The following MARCHF1 variants were observed in gnomAD, a reference collection of about 807,000 sequenced individuals.
The protein encoded by MARCHF1 is E3 ubiquitin-protein ligase MARCHF1.
A neutral mutation model predicts 54.2 loss-of-function variants in MARCHF1; 40 were observed. The ratio of observed to expected loss-of-function variants is 0.74; its 90% CI spans 0.57 to 0.96. The LOEUF is 0.96. Among genes scored for constraint, MARCHF1 ranks in the 40% least tolerant of loss-of-function variants. The pLI, the probability that MARCHF1 is intolerant of heterozygous loss-of-function variation, is 0.00. For missense variants in MARCHF1, 586 were observed against 656.5 expected, an observed-to-expected ratio of 0.89 and a Z score of 1.17; for synonymous variants, 236 against 236.3, an observed-to-expected ratio of 1.00 and a Z score of 0.01.
intron 3 of MARCHF1, among the ~76,000 whole-genome samples, chr4:163,948,269 T>C (rs1752063499): frequency 6.6e-6 from 1 of 152,236 alleles, no homozygotes; most frequent in African/African-American, 2.4e-5. Context: ...TAGACTTTTT[T>C]CATATTAAGA....
chr4:163,923,312 T>C (rs1342691473), intron 3 of MARCHF1, among the ~76,000 whole-genome samples: 2 of 152,154 alleles, frequency 1.3e-5, no homozygotes, highest in Non-Finnish European at 2.9e-5. Flanking sequence ...TCATTAAAAA[T>C]AATTCTGAAG....
At chr4:163,670,365 T>C (rs966208149) in intron 5 of MARCHF1, among the ~76,000 whole-genome samples, 5 of 129,022 alleles carry the variant, frequency 3.9e-5, no homozygotes, top group African/African-American at 1.5e-4. Flanking sequence ...GTAGGATCTA[T>C]CTATCTATCT....
chr4:163,873,765 T>C, intron 3 of MARCHF1, among the ~76,000 whole-genome samples: 1 of 152,234 alleles, frequency 6.6e-6, no homozygotes, highest in South Asian at 2.1e-4. Context: ...CAGCTCTATA[T>C]GTTCTCCCTG....
At chr4:163,660,518 T>C (rs1743310161) in intron 5 of MARCHF1, among the ~76,000 whole-genome samples, 1 of 151,542 alleles carries the variant, frequency 6.6e-6, no homozygotes, top group Non-Finnish European at 1.5e-5. Context: ...TATGTATACC[T>C]ATGTAACAAA....
At chr4:164,056,255 G>A (rs1490220922) in intron 2 of MARCHF1, among the ~76,000 whole-genome samples, 1 of 152,174 alleles carries the variant, frequency 6.6e-6, no homozygotes, top group African/African-American at 2.4e-5. Context: ...GTCGCTATGA[G>A]AACAGAAAGT....
At chr4:163,561,581 G>A (rs930436137) in intron 8 of MARCHF1, among the ~76,000 whole-genome samples, 2 of 152,022 alleles carry the variant, frequency 1.3e-5, no homozygotes, top group African/African-American at 4.8e-5. Context: ...CTATTAGCAC[G>A]TTTTGAATGC....
chr4:163,915,881 G>A (rs1280845323), intron 3 of MARCHF1, among the ~76,000 whole-genome samples: 2 of 152,128 alleles, frequency 1.3e-5, no homozygotes, highest in South Asian at 2.1e-4. Context: ...GTATGTAAGA[G>A]CTTTCCTTGA....
At position 164,310,420 on chromosome 4, in the gene MARCHF1, T is replaced by G. The variant is rs566609251; in HGVS notation, c.-323+73450A>C. Among the ~76,000 whole-genome samples, 15 of 152,224 alleles carry G rather than the reference T, an allele frequency of 9.9e-5. No homozygotes were observed. In the South Asian group the frequency reaches 3.1e-3, roughly 32 times the overall value. On this transcript the variant is annotated intron_variant, in intron 1 of 9. Coordinates refer to ENST00000514618, the MANE Select transcript of MARCHF1 (RefSeq NM_001394959.1). ...AGGCATTCAGTGTGAAATAATCACA[T>G]TTTTATTCAAAGAAACAAACACATA...
At chr4:164,369,875 T>C (rs1730986799) in intron 1 of MARCHF1, among the ~76,000 whole-genome samples, 1 of 152,198 alleles carries the variant, frequency 6.6e-6, no homozygotes, top group Non-Finnish European at 1.5e-5. Flanking sequence ...AATAGTTTAG[T>C]AAGGTTGCTG....
intron 2 of MARCHF1, among the ~76,000 whole-genome samples, chr4:164,099,375 G>A (rs1381159256): frequency 6.6e-6 from 1 of 152,142 alleles, no homozygotes; most frequent in African/African-American, 2.4e-5. Context: ...TACTATGTCT[G>A]TCTATATACT....
intron 1 of MARCHF1, among the ~76,000 whole-genome samples, chr4:164,138,032 T>G (rs1756437395): frequency 1.3e-5 from 2 of 152,152 alleles, no homozygotes; most frequent in South Asian, 4.1e-4. Flanking sequence ...CTCACTGTAG[T>G]AATGACAAAG....
At chr4:164,007,338 T>C in intron 2 of MARCHF1, among the ~76,000 whole-genome samples, 1 of 91,890 alleles carries the variant, frequency 1.1e-5, no homozygotes, top group African/African-American at 4.7e-5. Context: ...AGAGCGAGAC[T>C]CCATCTCAAA....
chr4:164,067,318 C>T (rs891063459), intron 2 of MARCHF1, among the ~76,000 whole-genome samples: 4 of 152,134 alleles, frequency 2.6e-5, no homozygotes, highest in African/African-American at 9.7e-5. Context: ...CATCACACTA[C>T]CTGACTTTAA....
At chr4:164,198,997 G>C (rs564131925) in intron 1 of MARCHF1, among the ~76,000 whole-genome samples, 64 of 152,234 alleles carry the variant, frequency 4.2e-4, no homozygotes, top group African/African-American at 1.5e-3. Context: ...AATAAAACAA[G>C]CAAGAGTAGC....
chr4:163,997,155 G>A (rs142619336), intron 2 of MARCHF1, among the ~76,000 whole-genome samples: 1 of 151,950 alleles, frequency 6.6e-6, no homozygotes, highest in Non-Finnish European at 1.5e-5. Context: ...TGAGGGCCAA[G>A]AGCAGAGAAA....
At chr4:163,829,626 T>C (rs1021900766) in intron 4 of MARCHF1, among the ~76,000 whole-genome samples, 1 of 152,152 alleles carries the variant, frequency 6.6e-6, no homozygotes, top group African/African-American at 2.4e-5. Flanking sequence ...AGGAAGACAA[T>C]ATTGAAGACT....
chr4:164,343,165 CTA>C (rs1030549174), intron 1 of MARCHF1, among the ~76,000 whole-genome samples: 71 of 152,226 alleles, frequency 4.7e-4, no homozygotes, highest in African/African-American at 1.5e-3. Flanking sequence ...AAAGTGGTAA[CTA>C]TGTGCTGTGA....
At chr4:163,646,102 T>C (rs960882233) in intron 5 of MARCHF1, among the ~76,000 whole-genome samples, 2 of 149,718 alleles carry the variant, frequency 1.3e-5, no homozygotes, top group African/African-American at 2.5e-5. Context: ...AAAGTTCTCA[T>C]AGAGAGAATC....
At chr4:164,023,690 C>A (rs1294945843) in intron 2 of MARCHF1, among the ~76,000 whole-genome samples, 1 of 152,166 alleles carries the variant, frequency 6.6e-6, no homozygotes. Flanking sequence ...TATCCCCTTA[C>A]CTTCAAATGA....
Sources: allele counts gnomAD v4.1 joint callset (sites outside exome capture counted in the v4.1 genomes callset), GRCh38; gene constraint gnomAD v4.1.1; transcripts MANE v1.5; gene names NCBI Gene and HGNC (gene_info 2026-07-23, HGNC 2026-07-21).